The following GRIK4 variants were observed in gnomAD, a reference collection of about 807,000 sequenced individuals.
GRIK4 encodes glutamate ionotropic receptor kainate type subunit 4.
A neutral mutation model predicts 104.9 loss-of-function variants in GRIK4; 40 were observed. The ratio of observed to expected loss-of-function variants is 0.38; its 90% CI spans 0.30 to 0.50. The LOEUF (loss-of-function observed/expected upper bound fraction) is 0.50, where lower values mean the gene tolerates loss of function less well. GRIK4 is among the 20% of genes least tolerant of loss of function. GRIK4 has a pLI of 0.93. For missense variants in GRIK4, 1,047 were observed against 1,308.1 expected, an observed-to-expected ratio of 0.80 and a Z score of 3.08; for synonymous variants, 485 against 524.9, an observed-to-expected ratio of 0.92 and a Z score of 1.04.
intron 6 of GRIK4, among the ~76,000 whole-genome samples, chr11:120,824,109 G>A (rs1468612215): frequency 6.6e-6 from 1 of 152,134 alleles, no homozygotes; most frequent in South Asian, 2.1e-4. Context: ...TGAAAATTAG[G>A]CATAACGGAG....
At chr11:120,577,655 T>C (rs960889996) in intron 1 of GRIK4, among the ~76,000 whole-genome samples, 3 of 152,210 alleles carry the variant, frequency 2.0e-5, no homozygotes, top group East Asian at 1.9e-4. Flanking sequence ...CAGAGTCATT[T>C]TGCCTTTCGT....
intron 13 of GRIK4, among the ~76,000 whole-genome samples, chr11:120,938,830 C>G (rs1943655330): frequency 6.6e-6 from 1 of 152,198 alleles, no homozygotes; most frequent in Non-Finnish European, 1.5e-5. Flanking sequence ...TTAGAATCAT[C>G]AGGGCAGCTT....
rs1267779314 is a variant in GRIK4, at chr11:120,987,391, CTA to C, written c.*1133_*1134del. ...TGCCTATGAAGCCAGACCCCCAAGA[CTA>C]TCATGGATTGGGTGGTTTCTTGCTA... On this transcript the variant is annotated 3_prime_UTR_variant, in exon 21 of 21. Transcript: ENST00000527524. 1 of 152,316 alleles carries C rather than the reference CTA, an allele frequency of 6.6e-6. No individual in the cohort carries two copies. Among genetic ancestry groups the C allele is most frequent in the African/African-American group, 2.4e-5 (1 of 41,460 alleles). 9.4% of individuals were successfully genotyped at this position (152,316 alleles called of 1,614,324 possible). A position where few individuals can be genotyped will look rare whatever the true frequency, so the allele number is the denominator to read the frequency against.
At chr11:120,633,812 A>G (rs114709204) in intron 1 of GRIK4, among the ~76,000 whole-genome samples, 2,014 of 152,210 alleles carry the variant, frequency 0.013, 42 homozygotes, top group African/African-American at 0.045. Flanking sequence ...GCAGAAGGGA[A>G]GTGTGGCTGG....
intron 3 of GRIK4, among the ~76,000 whole-genome samples, chr11:120,670,617 A>G (rs1839423160): frequency 6.6e-6 from 1 of 151,952 alleles, no homozygotes; most frequent in South Asian, 2.1e-4. Context: ...TCACTTTCTC[A>G]TGCCATGCAG....
intron 9 of GRIK4, chr11:120,868,531 G>GGA (rs1491485044): frequency 1.7e-4 from 6 of 34,894 alleles, no homozygotes; most frequent in African/African-American, 6.0e-4. Flanking sequence ...GGGTGGAAAT[G>GGA]GGGGGGGGGG....
At chr11:120,645,268 G>A (rs1043441015) in intron 1 of GRIK4, among the ~76,000 whole-genome samples, 3 of 152,310 alleles carry the variant, frequency 2.0e-5, no homozygotes, top group Admixed American at 2.0e-4. Flanking sequence ...CCTGGGCCTC[G>A]TTCCTTGACT....
chr11:120,852,466 A>T (rs1013026200), intron 8 of GRIK4, among the ~76,000 whole-genome samples: 27 of 152,196 alleles, frequency 1.8e-4, no homozygotes, highest in African/African-American at 6.0e-4. Context: ...CTGTTTGTGG[A>T]CTCATGTTGG....
chr11:120,778,112 A>G (rs971880823), intron 3 of GRIK4, among the ~76,000 whole-genome samples: 4 of 152,204 alleles, frequency 2.6e-5, no homozygotes, highest in Non-Finnish European at 4.4e-5. Flanking sequence ...ACAACATTCA[A>G]TGCCTATCAT....
chr11:120,607,967 C>G (rs11600894), intron 1 of GRIK4, among the ~76,000 whole-genome samples: 1 of 151,726 alleles, frequency 6.6e-6, no homozygotes, highest in South Asian at 2.1e-4. Context: ...CAGTGGCTGC[C>G]GAGAGGAGTC....
chr11:120,710,282 C>T (rs1464984727), intron 3 of GRIK4, among the ~76,000 whole-genome samples: 1 of 152,128 alleles, frequency 6.6e-6, no homozygotes, highest in Non-Finnish European at 1.5e-5. Flanking sequence ...TACAATAGAA[C>T]AATTCTATAA....
intron 3 of GRIK4, among the ~76,000 whole-genome samples, chr11:120,773,765 C>T (rs1007941430): frequency 2.6e-5 from 4 of 152,144 alleles, no homozygotes; most frequent in Admixed American, 6.5e-5. Flanking sequence ...AAAAAATTGT[C>T]CCCTGGGACT....
At chr11:120,657,293 C>T (rs1282377803) in intron 2 of GRIK4, among the ~76,000 whole-genome samples, 1 of 152,132 alleles carries the variant, frequency 6.6e-6, no homozygotes, top group African/African-American at 2.4e-5. Flanking sequence ...TCAACTTTAT[C>T]CATAATAAGT....
At chr11:120,921,524 C>T (rs553572654) in intron 13 of GRIK4, among the ~76,000 whole-genome samples, 56 of 152,294 alleles carry the variant, frequency 3.7e-4, no homozygotes, top group African/African-American at 8.9e-4. Flanking sequence ...CCAGGTGTAC[C>T]GGTGCGTTTA....
chr11:120,741,065 T>G (rs546772850), intron 3 of GRIK4, among the ~76,000 whole-genome samples: 1 of 152,216 alleles, frequency 6.6e-6, no homozygotes, highest in Non-Finnish European at 1.5e-5. Context: ...AGAACCCCAC[T>G]GCTGTGCTGT....
At chr11:120,774,491 G>A (rs186937572) in intron 3 of GRIK4, among the ~76,000 whole-genome samples, 419 of 152,316 alleles carry the variant, frequency 2.8e-3, no homozygotes, top group South Asian at 9.5e-3. Flanking sequence ...GAAGTCTGGA[G>A]ACAGAATTCC....
chr11:120,900,744 A>G (rs1294928409), intron 12 of GRIK4, among the ~76,000 whole-genome samples: 1 of 152,150 alleles, frequency 6.6e-6, no homozygotes, highest in East Asian at 1.9e-4. Context: ...TTCTTGGCAC[A>G]GGGAGCTGTC....
At chr11:120,762,035 T>A (rs1384731524) in intron 3 of GRIK4, among the ~76,000 whole-genome samples, 1 of 152,204 alleles carries the variant, frequency 6.6e-6, no homozygotes, top group African/African-American at 2.4e-5. Context: ...TAAATTACTT[T>A]GGGTAGTATG....
chr11:120,839,662 A>T (rs1291454858), intron 8 of GRIK4, among the ~76,000 whole-genome samples: 1 of 152,196 alleles, frequency 6.6e-6, no homozygotes, highest in Non-Finnish European at 1.5e-5. Flanking sequence ...AAGAAATAGG[A>T]CTAGGTAGTA....
Sources: allele counts gnomAD v4.1 joint callset (sites outside exome capture counted in the v4.1 genomes callset), GRCh38; gene constraint gnomAD v4.1.1; transcripts MANE v1.5; gene names NCBI Gene and HGNC (gene_info 2026-07-23, HGNC 2026-07-21).